SLC39A11: variants seen among roughly 807,000 people sequenced by gnomAD.
SLC39A11 encodes the protein solute carrier family 39 member 11, also known as zinc transporter ZIP11.
Under a neutral mutation model 36.1 loss-of-function variants are expected in SLC39A11, and 33 were observed. That is an observed-to-expected ratio of 0.91 (90% CI 0.69 to 1.22). The LOEUF is 1.22. Among genes scored for constraint, SLC39A11 ranks in the 50% most tolerant of loss-of-function variants. SLC39A11 has a pLI of 0.00. For missense variants in SLC39A11, 432 were observed against 430.3 expected (o/e 1.00, Z -0.03); for synonymous variants, 166 against 170.3 (o/e 0.97, Z 0.20).
intron 4 of SLC39A11, among the ~76,000 whole-genome samples, chr17:72,967,683 T>C (rs940361665): frequency 1.3e-5 from 2 of 152,190 alleles, no homozygotes; most frequent in African/African-American, 4.8e-5. Context: ...AAGGTACTGA[T>C]TGCTTTTCTC....
At chr17:73,022,642 T>G (rs2058392249) in intron 4 of SLC39A11, among the ~76,000 whole-genome samples, 1 of 134,148 alleles carries the variant, frequency 7.5e-6, no homozygotes, top group Non-Finnish European at 1.6e-5. Flanking sequence ...CCCACCATAC[T>G]AGGAAATTGC....
intron 3 of SLC39A11, among the ~76,000 whole-genome samples, chr17:73,081,021 C>G (rs1283097475): frequency 6.6e-6 from 1 of 151,606 alleles, no homozygotes; most frequent in East Asian, 1.9e-4. Flanking sequence ...AAGAAATAAT[C>G]AGCAAACAGG....
intron 6 of SLC39A11, among the ~76,000 whole-genome samples, chr17:72,769,545 T>C (rs1015407594): frequency 3.9e-5 from 6 of 152,164 alleles, no homozygotes; most frequent in Admixed American, 2.0e-4. Flanking sequence ...TGCATCTTTT[T>C]TTTTTTTCTT....
chr17:72,901,540 G>A (rs1321201086), intron 5 of SLC39A11, among the ~76,000 whole-genome samples: 1 of 152,174 alleles, frequency 6.6e-6, no homozygotes, highest in Non-Finnish European at 1.5e-5. Context: ...CAGGAGAGAG[G>A]CTCGGGTTTG....
At chr17:73,007,345 C>T (rs1218624239) in intron 4 of SLC39A11, among the ~76,000 whole-genome samples, 1 of 152,038 alleles carries the variant, frequency 6.6e-6, no homozygotes, top group South Asian at 2.1e-4. Flanking sequence ...AACTTGAAAC[C>T]GGAAGGCAAA....
At chr17:72,933,890 A>C (rs547994388) in intron 5 of SLC39A11, among the ~76,000 whole-genome samples, 2 of 152,320 alleles carry the variant, frequency 1.3e-5, no homozygotes, top group African/African-American at 4.8e-5. Context: ...ACGCACAAAA[A>C]CCAATGAATC....
At chr17:73,075,727 C>T (rs533661949) in intron 3 of SLC39A11, among the ~76,000 whole-genome samples, 1 of 152,204 alleles carries the variant, frequency 6.6e-6, no homozygotes. Flanking sequence ...GTGGTGGGTG[C>T]CTGTAATCAC....
At chr17:72,811,204 G>A (rs2077426154) in intron 6 of SLC39A11, among the ~76,000 whole-genome samples, 1 of 152,202 alleles carries the variant, frequency 6.6e-6, no homozygotes, top group African/African-American at 2.4e-5. Flanking sequence ...TGTCTGGGAG[G>A]GTGCATTTTC....
chr17:72,970,125 G>A (rs1301390083), intron 4 of SLC39A11, among the ~76,000 whole-genome samples: 1 of 152,166 alleles, frequency 6.6e-6, no homozygotes, highest in Non-Finnish European at 1.5e-5. Flanking sequence ...CCGTTAAAAG[G>A]TCAGTCTTTC....
At chr17:73,037,813 AG>A (rs1204031375) in intron 3 of SLC39A11, among the ~76,000 whole-genome samples, 4 of 152,226 alleles carry the variant, frequency 2.6e-5, no homozygotes, top group African/African-American at 7.2e-5. Flanking sequence ...GAATGAAGCC[AG>A]GGGGAAGGTT....
At chr17:72,697,496 C>G (rs1225461221) in intron 7 of SLC39A11, among the ~76,000 whole-genome samples, 1 of 152,140 alleles carries the variant, frequency 6.6e-6, no homozygotes, top group Non-Finnish European at 1.5e-5. Flanking sequence ...TGGGGAGAGG[C>G]TCTGTCTCAC....
rs369352597 is a variant in SLC39A11 at position 73,018,053 on chromosome 17, T to C, written c.306+13503A>G. Among the ~76,000 whole-genome samples the C allele has an allele frequency of 2.8e-4, 43 of 152,324 alleles. No homozygotes were observed. The East Asian group carries it at 7.9e-3, about 28-fold the overall frequency. The stretch of plus-strand genomic sequence containing the variant: ...CAGTTGAGACCCTAAAGATCCTCTT[T>C]AAGGGCAGAGCTATTCTAGGCCTCG... On this transcript the variant is annotated intron_variant, in intron 4 of 9. Transcript: ENST00000255559.
chr17:73,010,195 G>T (rs2090436628), intron 4 of SLC39A11, among the ~76,000 whole-genome samples: 1 of 152,076 alleles, frequency 6.6e-6, no homozygotes, highest in African/African-American at 2.4e-5. Flanking sequence ...ACAGAGTCTG[G>T]GGTGGGGTCC....
chr17:72,959,466 G>A (rs1003722581), intron 4 of SLC39A11, among the ~76,000 whole-genome samples: 17 of 150,922 alleles, frequency 1.1e-4, no homozygotes, highest in African/African-American at 3.2e-4. Flanking sequence ...AGTAACTCAA[G>A]AATGGAAAAC....
intron 7 of SLC39A11, among the ~76,000 whole-genome samples, chr17:72,652,020 G>A (rs759448758): frequency 6.6e-6 from 1 of 152,188 alleles, no homozygotes; most frequent in African/African-American, 2.4e-5. Context: ...AACTTTTTCT[G>A]TCATGGGCCA....
intron 6 of SLC39A11, among the ~76,000 whole-genome samples, chr17:72,759,944 T>C (rs189327367): frequency 8.5e-5 from 13 of 152,266 alleles, no homozygotes; most frequent in East Asian, 7.7e-4. Context: ...CAGAGAAGTA[T>C]TGGGTATGCA....
chr17:72,760,417 A>G (rs1299206450), intron 6 of SLC39A11, among the ~76,000 whole-genome samples: 1 of 152,206 alleles, frequency 6.6e-6, no homozygotes, highest in Non-Finnish European at 1.5e-5. Flanking sequence ...GATCCATCTG[A>G]GCCTTTTGCT....
intron 4 of SLC39A11, among the ~76,000 whole-genome samples, chr17:72,976,490 T>C (rs999398169): frequency 5.3e-5 from 8 of 152,150 alleles, no homozygotes; most frequent in African/African-American, 1.9e-4. Context: ...GAATCATCAA[T>C]GGGCAACAAC....
chr17:73,067,881 G>A, intron 3 of SLC39A11: 1 of 1,606,964 alleles, frequency 6.2e-7, no homozygotes, highest in East Asian at 2.2e-5. Context: ...CCCCATGCCT[G>A]AGACTTGCAG....
Sources: allele counts gnomAD v4.1 joint callset (sites outside exome capture counted in the v4.1 genomes callset), GRCh38; gene constraint gnomAD v4.1.1; transcripts MANE v1.5; gene names NCBI Gene and HGNC (gene_info 2026-07-23, HGNC 2026-07-21).